Variants in AMOTL2 observed in about 807,000 individuals in gnomAD.
The protein encoded by AMOTL2 is angiomotin-like protein 2.
A neutral mutation model predicts 78.4 loss-of-function variants in AMOTL2; 33 were observed. That is an observed-to-expected ratio of 0.42 (90% CI 0.32 to 0.56). The LOEUF is 0.56. AMOTL2 is among the 20% of genes least tolerant of loss of function. The pLI, the probability that AMOTL2 is intolerant of heterozygous loss-of-function variation, is 0.12. For synonymous variants in AMOTL2, 422 were observed against 428.8 expected (o/e 0.98, Z 0.20); for missense variants, 983 against 1,030.1 (o/e 0.95, Z 0.63).
At position 134,360,101 on chromosome 3, in the gene AMOTL2, C is replaced by T. The variant is rs754408398; in HGVS notation, c.1883+5G>A. ...ACCTCAGGTGCCTGGCCTGCAATGCCGAACCTGCTTTCCATCTCCTGATGC... is the reference window on the plus strand; with the variant it reads ...ACCTCAGGTGCCTGGCCTGCAATGCTGAACCTGCTTTCCATCTCCTGATGC... On this transcript the variant is annotated splice_donor_5th_base_variant and intron_variant, in intron 7 of 9. Coordinates refer to ENST00000249883, the MANE Select transcript of AMOTL2 (RefSeq NM_016201.4). The T allele has an allele frequency of 7.5e-6, 12 of 1,600,634 alleles. No homozygotes were observed. In the East Asian group the frequency reaches 1.1e-4, roughly 15 times the overall value.
intron 9 of AMOTL2, 49 bp from the exon 10 acceptor site, chr3:134,357,812 T>G: frequency 6.3e-7 from 1 of 1,576,418 alleles, no homozygotes; most frequent in Non-Finnish European, 8.7e-7. Flanking sequence ...GTTACTAGAT[T>G]GCTTTTAAAA....
In AMOTL2 at chr3:134,357,591, G is replaced by T; in HGVS notation, c.*114C>A. 1 of 1,107,208 alleles carries T rather than the reference G, an allele frequency of 9.0e-7. No individual in the cohort carries two copies. Among genetic ancestry groups the T allele is most frequent in the Non-Finnish European group, 1.4e-6 (1 of 723,594 alleles). 68.6% of individuals were successfully genotyped at this position (1,107,208 alleles called of 1,614,324 possible). On this transcript the variant is annotated 3_prime_UTR_variant, in exon 10 of 10. Coordinates refer to ENST00000249883, the MANE Select transcript of AMOTL2 (RefSeq NM_016201.4). ...GACCAGATGGTCAATGGGAATGAGT[G>T]TCTGGCTGGGGAAAGGGACGGAGCA... is the stretch of plus-strand genomic sequence containing the variant.
Position 134,361,527 on chromosome 3 carries a change from G to A in AMOTL2, c.1560C>T (p.Ala520=). Residue 520 remains alanine (A), a synonymous_variant, in exon 6 of 10, where the codon GCC becomes GCT. Transcript: ENST00000249883. The part of the protein sequence containing the change: ...LRTRLEQELK[A]LRAQQRQAGA... ...CTCAGCTCACCTGCTGTGCACGCAGGGCCTTGAGTTCCTGCTCCAGGCGAG... is the reference window on the plus strand; with the variant it reads ...CTCAGCTCACCTGCTGTGCACGCAGAGCCTTGAGTTCCTGCTCCAGGCGAG... The A allele has an allele frequency of 6.2e-7, 1 of 1,610,584 alleles. No individual in the cohort carries two copies. The highest frequency in any genetic ancestry group is 8.5e-7 in the Non-Finnish European group (1 of 1,178,266).
At chr3:134,374,273 T>TC in intron 1 of AMOTL2, 69 bp downstream of exon 1, 1 of 985,388 alleles carries the variant, frequency 1.0e-6, no homozygotes, top group South Asian at 4.7e-5. Context: ...GCGCCGAGAC[T>TC]CCAGCTTTGG....
rs1576573135 is a variant in AMOTL2, at chr3:134,359,336, C to G, written c.2051G>C (p.Gly684Ala). Residue 684 changes from glycine to alanine, a missense_variant, in exon 8 of 10, where the codon GGG (glycine) becomes GCG (alanine). Coordinates refer to ENST00000249883, the MANE Select transcript of AMOTL2 (RefSeq NM_016201.4). ...AAAAGTQGWQ[G>A]LSSSERQTAD... Reference sequence around the variant, plus strand: ...TGTTTGTCGCTCACTAGAAGAGAGCCCTTGCCAGCCCTGGGTTCCTGCTGC... The same window carrying G: ...TGTTTGTCGCTCACTAGAAGAGAGCGCTTGCCAGCCCTGGGTTCCTGCTGC... 1 of 1,614,210 alleles carries G rather than the reference C, an allele frequency of 6.2e-7. No homozygotes were observed. The highest frequency in any genetic ancestry group is 8.5e-7 in the Non-Finnish European group (1 of 1,180,040).
At chr3:134,367,968 G>A (rs971933796) in intron 2 of AMOTL2, 165 bp from the exon 3 acceptor site, 1 of 598,914 alleles carries the variant, frequency 1.7e-6, no homozygotes, top group East Asian at 3.2e-5. Flanking sequence ...CAACCCTCTA[G>A]TGTTAGGCAG....
chr3:134,370,853 G>T lies in AMOTL2; in HGVS notation c.581C>A (p.Pro194His). The stretch of plus-strand genomic sequence containing the variant: ...CTCAGCAGGGGGGCCCCTCAGTGGG[G>T]GGCCCTGCTGGTTGCGGGCCAGCTG... ...FPQLARNQQG[P>H]PLRGPPAEGP... Residue 194 changes from proline to histidine, a missense_variant, in exon 2 of 10, where the codon CCC becomes CAC. Transcript: ENST00000249883. 1 of 1,603,398 alleles carries T rather than the reference G, an allele frequency of 6.2e-7. No individual in the cohort carries two copies. The highest frequency in any genetic ancestry group is 8.5e-7 in the Non-Finnish European group (1 of 1,173,150).
chr3:134,356,898 C>T lies in AMOTL2; in HGVS notation c.*807G>A, dbSNP rs960624142. Reference sequence around the variant, plus strand: ...AAAAGGCAGCCGAGATCCTGGGAATCGAGCAGCTTTAACATCCACGGGCCA... The same window carrying T: ...AAAAGGCAGCCGAGATCCTGGGAATTGAGCAGCTTTAACATCCACGGGCCA... On this transcript the variant is annotated 3_prime_UTR_variant, in exon 10 of 10. Transcript: ENST00000249883. 6.6e-6 allele frequency: 1 copy of T among 152,384 alleles called. No homozygotes were observed. Among genetic ancestry groups the T allele is most frequent in the Non-Finnish European group, 1.5e-5 (1 of 68,052 alleles). The allele number at this position is 152,384 out of a possible 1,614,324, so 9.4% of individuals were successfully genotyped here.
chr3:134,357,161 T>C lies in AMOTL2; in HGVS notation c.*544A>G, dbSNP rs1219397852. On this transcript the variant is annotated 3_prime_UTR_variant, in exon 10 of 10. Transcript: ENST00000249883. ...TCTTCTCCAAGACTAACACCCTTAA[T>C]AGTCCCCAAAAAATTCAAGTCTTAG... 1 of 165,098 alleles carries C rather than the reference T, an allele frequency of 6.1e-6. No individual in the cohort carries two copies. Among genetic ancestry groups the C allele is most frequent in the East Asian group, 1.6e-4 (1 of 6,280 alleles). The allele number at this position is 165,098 out of a possible 1,614,324, so 10.2% of individuals were successfully genotyped here.
At chr3:134,366,179 T>A (rs2107743147) in intron 4 of AMOTL2, 104 bp downstream of exon 4, 4 of 1,473,952 alleles carry the variant, frequency 2.7e-6, no homozygotes, top group Non-Finnish European at 3.7e-6. Flanking sequence ...TGAGTTCATC[T>A]GCACTTTTGA....
At chr3:134,367,946 C>T (rs1199923312) in intron 2 of AMOTL2, 143 bp from the exon 3 acceptor site, 7 of 673,182 alleles carry the variant, frequency 1.0e-5, no homozygotes, top group Non-Finnish European at 1.7e-5. Flanking sequence ...AAAATTACTG[C>T]AGATAATTAT....
intron 2 of AMOTL2, among the ~76,000 whole-genome samples, chr3:134,369,127 C>T (rs2017739057): frequency 1.3e-5 from 2 of 152,194 alleles, no homozygotes; most frequent in South Asian, 4.1e-4. Context: ...ATAATCTTCA[C>T]TGGATCATCT....
At chr3:134,364,982 G>T (rs2017541132) in intron 5 of AMOTL2, among the ~76,000 whole-genome samples, 1 of 152,000 alleles carries the variant, frequency 6.6e-6, no homozygotes, top group Admixed American at 6.6e-5. Context: ...TGTACCTCTT[G>T]AACTGCCCAA....
intron 1 of AMOTL2, among the ~76,000 whole-genome samples, chr3:134,373,100 G>A (rs1576590479): frequency 2.0e-5 from 3 of 152,228 alleles, no homozygotes; most frequent in Middle Eastern, 6.8e-3. Flanking sequence ...GGGAGTGGGG[G>A]ATGAGTCTGG....
Position 134,358,620 on chromosome 3 carries a change from G to T in AMOTL2, c.2204C>A (p.Pro735Gln), listed in dbSNP as rs760059061. ...TGGCAGGCAGGTGGAGGTGCTGTCT[G>T]GGGGGCCCTCAGTCTGGGTGCTCCC... The part of the protein sequence containing the change: ...RDGSTQTEGP[P>Q]DSTSTCLPPE... The change falls in exon 9 of 10, where the codon CCA (proline) becomes CAA (glutamine). Residue 735 changes from proline (P) to glutamine (Q), a missense_variant. Coordinates refer to ENST00000249883, the MANE Select transcript of AMOTL2 (RefSeq NM_016201.4). 1.1e-5 allele frequency: 17 copies of T among 1,613,746 alleles called. No homozygotes were observed. The African/African-American group carries it at 2.0e-4, about 19-fold the overall frequency.
In AMOTL2 at chr3:134,366,436, GT is replaced by G. The variant is rs772305795; in HGVS notation, c.1042-10del. 1.8e-5 allele frequency: 29 copies of G among 1,611,228 alleles called. No individual in the cohort carries two copies. The Admixed American group carries it at 4.9e-4, about 27-fold the overall frequency. ...TGGATTTCGCTTTCCAGCTGCAAGA[GT>G]CAGACAGCAGAGCTGAATGAAGGCG... On this transcript the variant is annotated splice_polypyrimidine_tract_variant and intron_variant, in intron 3 of 9. Transcript: ENST00000249883.
intron 2 of AMOTL2, among the ~76,000 whole-genome samples, chr3:134,369,665 C>T (rs750423671): frequency 2.6e-5 from 4 of 152,170 alleles, no homozygotes; most frequent in Admixed American, 6.5e-5. Flanking sequence ...GAAAGCCGGA[C>T]GGTGGGAAAG....
At position 134,358,805 on chromosome 3, in the gene AMOTL2, G is replaced by A. The variant is rs1399590007; in HGVS notation, c.2105-86C>T. 3.3e-6 allele frequency: 5 copies of A among 1,506,214 alleles called. No homozygotes were observed. In the South Asian group the frequency reaches 5.8e-5, roughly 17 times the overall value. 93.3% of individuals were successfully genotyped at this position (1,506,214 alleles called of 1,614,324 possible). A position where few individuals can be genotyped will look rare whatever the true frequency, so the allele number is the denominator to read the frequency against. ...CTCTAAGTTAACTGTCCCTGCTGGG[G>A]ATTCAAGGTGGAGTGGGCTGCTCTT... On this transcript the variant is annotated intron_variant, in intron 8 of 9. Transcript: ENST00000249883.
chr3:134,367,945 G>C lies in AMOTL2; in HGVS notation c.735-142C>G. 4 of 676,058 alleles carry C rather than the reference G, an allele frequency of 5.9e-6. No homozygotes were observed. The East Asian group carries it at 1.2e-4, about 21-fold the overall frequency. The allele number at this position is 676,058 out of a possible 1,614,324, so 41.9% of individuals were successfully genotyped here. A position where few individuals can be genotyped will look rare whatever the true frequency, so the allele number is the denominator to read the frequency against. On this transcript the variant is annotated intron_variant, in intron 2 of 9. Coordinates refer to ENST00000249883, the MANE Select transcript of AMOTL2 (RefSeq NM_016201.4). ...TAATTAATATATTATTAAAATTACT[G>C]CAGATAATTATTCAACCCTCTAGTG...
Sources: gnomAD v4.1 joint callset for allele counts (sites outside exome capture counted in the v4.1 genomes callset) on GRCh38, gnomAD v4.1.1 for gene constraint, MANE v1.5 for transcripts, NCBI Gene and HGNC (gene_info 2026-07-23, HGNC 2026-07-21) for gene names.